Variants in USH2A observed in about 807,000 individuals in gnomAD.
The protein encoded by USH2A is usherin, also known as Usher syndrome 2A (autosomal recessive, mild).
A neutral mutation model predicts 538.9 loss-of-function variants in USH2A; 443 were observed. That is an observed-to-expected ratio of 0.82 (90% confidence interval 0.76 to 0.89). The LOEUF (loss-of-function observed/expected upper bound fraction) is 0.89, where lower values mean the gene tolerates loss of function less well. Among genes scored for constraint, USH2A ranks in the 40% least tolerant of loss-of-function variants. The pLI is 0.00. For missense variants in USH2A, 6,633 were observed against 6,324.8 expected, an observed-to-expected ratio of 1.05 and a Z score of -1.65; for synonymous variants, 2,413 against 2,273.5, an observed-to-expected ratio of 1.06 and a Z score of -1.75.
chr1:216,335,488 AAG>A (rs2037951646), intron 4 of USH2A, among the ~76,000 whole-genome samples: 1 of 151,558 alleles, frequency 6.6e-6, no homozygotes, highest in Admixed American at 6.6e-5. Context: ...AAAACAACAA[AAG>A]TTGATTGTTA....
chr1:216,267,188 G>T (rs978181129), intron 11 of USH2A, among the ~76,000 whole-genome samples: 7 of 152,056 alleles, frequency 4.6e-5, no homozygotes, highest in African/African-American at 1.7e-4. Flanking sequence ...GGAGAATGTG[G>T]AGTCCTCTAA....
chr1:216,235,231 A>C (rs1157575570), intron 13 of USH2A, among the ~76,000 whole-genome samples: 2 of 152,140 alleles, frequency 1.3e-5, no homozygotes, highest in Admixed American at 6.5e-5. Context: ...AATTTACTTT[A>C]ATGTAATGCA....
intron 62 of USH2A, among the ~76,000 whole-genome samples, chr1:215,676,105 C>T (rs1259469920): frequency 6.6e-6 from 1 of 151,862 alleles, no homozygotes; most frequent in Non-Finnish European, 1.5e-5. Flanking sequence ...AAAGAGTATG[C>T]TTGTGTGTGT....
chr1:216,088,908 A>T, intron 23 of USH2A, 105 bp downstream of exon 23: 1 of 1,531,746 alleles, frequency 6.5e-7, no homozygotes, highest in Non-Finnish European at 8.9e-7. Flanking sequence ...TATGGAATTG[A>T]GTAGAAATTA....
chr1:216,049,912 G>A lies in USH2A; in HGVS notation c.6050-1265C>T, dbSNP rs11120727. Among the ~76,000 whole-genome samples, 643 of 152,144 alleles carry A rather than the reference G, an allele frequency of 4.2e-3. 4 individuals are homozygous for A. Among genetic ancestry groups the A allele is most frequent in the Middle Eastern group, 0.017 (5 of 294 alleles). On this transcript the variant is annotated intron_variant, in intron 30 of 71. Coordinates refer to ENST00000307340, the MANE Select transcript of USH2A (RefSeq NM_206933.4). ...TGAAAATATTCATCCACTTGGCACC[G>A]TCATCTTAGCTCATGGCCAAAGAAG...
At chr1:215,748,954 TCAAA>T (rs2102733045) in intron 58 of USH2A, among the ~76,000 whole-genome samples, 1 of 152,352 alleles carries the variant, frequency 6.6e-6, no homozygotes, top group East Asian at 1.9e-4. Flanking sequence ...CCATGTGCCC[TCAAA>T]CACTTTTGAA....
At chr1:215,765,584 T>A (rs1259401918) in intron 56 of USH2A, among the ~76,000 whole-genome samples, 1 of 152,176 alleles carries the variant, frequency 6.6e-6, no homozygotes, top group African/African-American at 2.4e-5. Context: ...AAATAATTAG[T>A]TGATCACTAA....
chr1:215,710,478 AT>A (rs1237028442), intron 61 of USH2A, among the ~76,000 whole-genome samples: 6 of 152,134 alleles, frequency 3.9e-5, no homozygotes, highest in Non-Finnish European at 5.9e-5. Context: ...ACTCTTTCTT[AT>A]GTACATCTCA....
intron 11 of USH2A, among the ~76,000 whole-genome samples, chr1:216,260,807 A>T (rs1042374161): frequency 3.7e-4 from 57 of 152,280 alleles, no homozygotes; most frequent in Middle Eastern, 3.4e-3. Context: ...ACATGAAAGG[A>T]TTAAGTGAAA....
rs762627237 is a variant in USH2A, at chr1:216,078,109, T to A, written c.5552A>T (p.Gln1851Leu). 4.3e-6 allele frequency: 7 copies of A among 1,613,660 alleles called. No individual in the cohort carries two copies. Among genetic ancestry groups the A allele is most frequent in the African/African-American group, 4.0e-5 (3 of 75,022 alleles). ...GIPQELLNSY[Q>L]HLCLEQGFGG... ...CTTACCTTGTTCCAAACACAAATGT[T>A]GATAAGAGTTCAGCAGTTCCTGTGG... Residue 1851 changes from glutamine (Q) to leucine (L), a missense_variant, in exon 27 of 72, where the codon CAA becomes CTA. By Grantham distance (113) the Gln-to-Leu change is moderately radical. Coordinates refer to ENST00000307340, the MANE Select transcript of USH2A (RefSeq NM_206933.4).
chr1:216,374,260 A>G (rs1212510399), intron 3 of USH2A, among the ~76,000 whole-genome samples: 1 of 145,834 alleles, frequency 6.9e-6, no homozygotes. Flanking sequence ...TAATAATAAT[A>G]AAATAAAATA....
At chr1:215,976,730 T>C (rs1269409995) in intron 35 of USH2A, among the ~76,000 whole-genome samples, 1 of 152,210 alleles carries the variant, frequency 6.6e-6, no homozygotes, top group Non-Finnish European at 1.5e-5. Flanking sequence ...ATTAACTTTT[T>C]GCTGTGCTGT....
chr1:215,973,890 T>G (rs577161455), intron 35 of USH2A, among the ~76,000 whole-genome samples: 1 of 151,684 alleles, frequency 6.6e-6, no homozygotes, highest in South Asian at 2.1e-4. Flanking sequence ...CCAGGATGTA[T>G]CTAATTGAGA....
chr1:215,775,252 A>C (rs1465156438), intron 55 of USH2A, among the ~76,000 whole-genome samples: 1 of 152,172 alleles, frequency 6.6e-6, no homozygotes, highest in South Asian at 2.1e-4. Flanking sequence ...ACATGAGCTT[A>C]CTTCTATGCT....
At chr1:216,328,870 T>C (rs916962028) in intron 4 of USH2A, among the ~76,000 whole-genome samples, 33 of 152,112 alleles carry the variant, frequency 2.2e-4, no homozygotes, top group African/African-American at 7.2e-4. Flanking sequence ...GTTATATTTA[T>C]ATTAAATAAT....
intron 15 of USH2A, among the ~76,000 whole-genome samples, chr1:216,211,938 T>G (rs1437101616): frequency 6.6e-6 from 1 of 152,128 alleles, no homozygotes; most frequent in Non-Finnish European, 1.5e-5. Context: ...CAAAGAACCT[T>G]GCAATTCATG....
intron 21 of USH2A, among the ~76,000 whole-genome samples, chr1:216,142,332 G>T (rs1383848600): frequency 2.0e-5 from 3 of 152,140 alleles, no homozygotes; most frequent in African/African-American, 7.2e-5. Flanking sequence ...TTTCACAATT[G>T]TGAGTAGTGA....
At chr1:215,733,454 T>A (rs1448448681) in intron 60 of USH2A, among the ~76,000 whole-genome samples, 1 of 152,168 alleles carries the variant, frequency 6.6e-6, no homozygotes, top group African/African-American at 2.4e-5. Flanking sequence ...CATCTCTTTC[T>A]CACATTTCAA....
intron 30 of USH2A, among the ~76,000 whole-genome samples, chr1:216,066,534 A>G (rs985778773): frequency 6.6e-6 from 1 of 152,164 alleles, no homozygotes; most frequent in African/African-American, 2.4e-5. Flanking sequence ...CATTAAGCAT[A>G]ATGTTACACA....
Sources: allele counts gnomAD v4.1 joint callset (sites outside exome capture counted in the v4.1 genomes callset), GRCh38; gene constraint gnomAD v4.1.1; transcripts MANE v1.5; gene names NCBI Gene and HGNC (gene_info 2026-07-23, HGNC 2026-07-21).